ACSM3: variants seen among roughly 807,000 people sequenced by gnomAD.
ACSM3 encodes the protein acyl-CoA synthetase medium chain family member 3.
Under a neutral mutation model 74.1 loss-of-function variants are expected in ACSM3, and 61 were observed. The ratio of observed to expected loss-of-function variants is 0.82; its 90% CI spans 0.67 to 1.02. The LOEUF (loss-of-function observed/expected upper bound fraction) is 1.02. Ranked by LOEUF, ACSM3 falls within the 50% of genes least tolerant of loss-of-function variation. ACSM3 has a pLI of 0.00. For missense variants in ACSM3, 660 were observed against 697.0 expected (o/e 0.95, Z 0.60); for synonymous variants, 213 against 241.5 (o/e 0.88, Z 1.09).
At chr16:20,784,418 T>C (rs1028564180) in intron 7 of ACSM3, 1 of 152,496 alleles carries the variant, frequency 6.6e-6, no homozygotes, top group Non-Finnish European at 1.5e-5. Flanking sequence ...TCATTTTTCA[T>C]AGCTGTATAG....
chr16:20,738,133 C>A, intron 1 of ACSM3: 1 of 724,246 alleles, frequency 1.4e-6, no homozygotes, highest in Admixed American at 2.0e-5. Flanking sequence ...CTAATACGTA[C>A]TATAATGTAT....
chr16:20,718,935 G>A (rs1262640663), intron 1 of ACSM3, among the ~76,000 whole-genome samples: 1 of 152,200 alleles, frequency 6.6e-6, no homozygotes, highest in Non-Finnish European at 1.5e-5. Flanking sequence ...GCTCACTGCT[G>A]TAGAACAGTG....
intron 1 of ACSM3, among the ~76,000 whole-genome samples, chr16:20,693,182 A>AG (rs2079671528): frequency 6.6e-6 from 1 of 152,122 alleles, no homozygotes; most frequent in Admixed American, 6.5e-5. Context: ...AAAAAAAAAA[A>AG]AAAATTCAGA....
intron 1 of ACSM3, among the ~76,000 whole-genome samples, chr16:20,731,934 C>G (rs2079833004): frequency 6.6e-6 from 1 of 152,158 alleles, no homozygotes; most frequent in African/African-American, 2.4e-5. Context: ...TTAATCAACT[C>G]TGCAATACTG....
chr16:20,688,084 CAAAA>C lies in ACSM3; in HGVS notation c.-190+13273_-190+13276del, dbSNP rs34719963. The stretch of plus-strand genomic sequence containing the variant: ...TGGGAGACTAAGCAAAACTCTGTCT[CAAAA>C]AAAAAAAAAAGAAAGAACCAAACAA... On this transcript the variant is annotated intron_variant, in intron 1 of 3. Transcript: ENST00000561584. 3.1e-5 allele frequency among the ~76,000 whole-genome samples: 3 copies of C among 95,466 alleles called. No individual in the cohort carries two copies. The East Asian group carries it at 9.2e-4, about 29-fold the overall frequency. The allele number at this position is 95,466 out of a possible 152,430, so 62.6% of individuals were successfully genotyped here. A position where few individuals can be genotyped will look rare whatever the true frequency, so the allele number is the denominator to read the frequency against.
rs1366305331 is a variant in ACSM3 at position 20,777,511 on chromosome 16, A to G, written c.569A>G (p.Asn190Ser). ...GACGCTGTTGCATCCAAATGTGAAA[A>G]TCTGCACTCCAAGCTGATTGTATCA... Reference protein sequence around the residue: ...AVDAVASKCENLHSKLIVSEN... With the variant: ...AVDAVASKCESLHSKLIVSEN... Residue 190 changes from asparagine (N) to serine (S), a missense_variant, in exon 4 of 14, where the codon AAT becomes AGT. Physicochemically the swap from Asn to Ser is conservative, Grantham distance 46 (BLOSUM62 1). Transcript: ENST00000289416. 4 of 1,613,980 alleles carry G rather than the reference A, an allele frequency of 2.5e-6. No individual in the cohort carries two copies. The highest frequency in any genetic ancestry group is 3.4e-6 in the Non-Finnish European group (4 of 1,180,016).
At chr16:20,755,269 C>G (rs2080020166) in intron 2 of ACSM3, among the ~76,000 whole-genome samples, 1 of 152,260 alleles carries the variant, frequency 6.6e-6, no homozygotes, top group African/African-American at 2.4e-5. Context: ...TTGAAAATCA[C>G]TCCTCATACC....
At chr16:20,752,678 T>C (rs1158313265) in intron 2 of ACSM3, among the ~76,000 whole-genome samples, 1 of 152,196 alleles carries the variant, frequency 6.6e-6, no homozygotes, top group Non-Finnish European at 1.5e-5. Flanking sequence ...GAAGAAAACC[T>C]GATCTATTTT....
chr16:20,684,259 T>A (rs1423820708), intron 1 of ACSM3, among the ~76,000 whole-genome samples: 1 of 152,206 alleles, frequency 6.6e-6, no homozygotes, highest in African/African-American at 2.4e-5. Context: ...GAATCATCAC[T>A]AGGTACTCAA....
intron 1 of ACSM3, chr16:20,679,475 C>T (rs1162178923): frequency 6.6e-6 from 1 of 152,194 alleles, no homozygotes; most frequent in African/African-American, 2.4e-5. Flanking sequence ...ATTTATAAGC[C>T]TAGTTATAAT....
upstream of ACSM3, chr16:20,763,981 T>C (rs5710): frequency 0.024 from 3,718 of 152,350 alleles, 55 homozygotes; most frequent in Non-Finnish European, 0.038. Context: ...TGGGCCAGTC[T>C]TGCTCCTCCG....
chr16:20,760,745 T>G (rs972112282), upstream of ACSM3, among the ~76,000 whole-genome samples: 5 of 152,188 alleles, frequency 3.3e-5, no homozygotes, highest in Admixed American at 3.3e-4. Context: ...TAAGAGGATT[T>G]AAAAATTTCT....
intron 2 of ACSM3, among the ~76,000 whole-genome samples, chr16:20,752,227 A>C (rs1002745317): frequency 1.1e-4 from 16 of 152,080 alleles, no homozygotes; most frequent in African/African-American, 1.9e-4. Flanking sequence ...CTACTCAGCC[A>C]GGCATGGTAG....
chr16:20,792,187 A>G (rs760170789), intron 11 of ACSM3, 49 bp from the exon 12 acceptor site: 2 of 1,613,998 alleles, frequency 1.2e-6, no homozygotes, highest in Admixed American at 1.7e-5. Flanking sequence ...AGTGTTCTAG[A>G]GTGAACCTGC....
chr16:20,705,374 G>GAAA (rs35941652), intron 1 of ACSM3, among the ~76,000 whole-genome samples: 8 of 123,900 alleles, frequency 6.5e-5, no homozygotes, highest in East Asian at 2.1e-4. Context: ...CTCCGTCTCA[G>GAAA]AAAAAAAAAA....
intron 1 of ACSM3, among the ~76,000 whole-genome samples, chr16:20,711,990 C>T (rs1015733293): frequency 1.3e-5 from 2 of 152,064 alleles, no homozygotes; most frequent in African/African-American, 4.8e-5. Flanking sequence ...AGGGCCTTTG[C>T]ACCTGCTGTT....
intron 1 of ACSM3, chr16:20,711,576 C>T (rs2079744205): frequency 2.9e-6 from 4 of 1,376,186 alleles, no homozygotes; most frequent in Admixed American, 3.8e-5. Context: ...AGGAGGTGGT[C>T]CCAGTAGTGG....
At chr16:20,761,681 T>C (rs373308090), upstream of ACSM3, among the ~76,000 whole-genome samples, 100 of 152,200 alleles carry the variant, frequency 6.6e-4, no homozygotes, top group African/African-American at 2.1e-3. Context: ...TCTAAAATAA[T>C]TGGTTGCAGT....
intron 1 of ACSM3, chr16:20,681,485 G>T (rs2079444872): frequency 6.6e-6 from 1 of 152,266 alleles, no homozygotes; most frequent in South Asian, 2.1e-4. Context: ...AACCCTCACT[G>T]GTGGGTTTTT....
Sources: allele counts gnomAD v4.1 joint callset (sites outside exome capture counted in the v4.1 genomes callset), GRCh38; gene constraint gnomAD v4.1.1; transcripts MANE v1.5; gene names NCBI Gene and HGNC (gene_info 2026-07-23, HGNC 2026-07-21).